The following DST variants were observed in gnomAD, a reference collection of about 807,000 sequenced individuals.
DST encodes bullous pemphigoid antigen.
DST carries 253 observed loss-of-function variants against 875.2 expected under a neutral mutation model. The observed-to-expected ratio is 0.29, with a 90% CI of 0.26 to 0.32. DST has a LOEUF of 0.32. DST is among the 10% of genes least tolerant of loss of function. DST has a pLI of 1.00. For missense variants in DST, 8,287 were observed against 9,111.6 expected (o/e 0.91, Z 3.68); for synonymous variants, 3,124 against 3,197.1 (o/e 0.98, Z 0.77).
chr6:56,572,957 T>C lies in DST; in HGVS notation c.13344A>G (p.Gln4448=), dbSNP rs774764916. 4.3e-6 allele frequency: 7 copies of C among 1,612,680 alleles called. No individual in the cohort carries two copies. The highest frequency in any genetic ancestry group is 1.3e-5 in the African/African-American group (1 of 75,042). ...GAGCAGACAAGTCTTTCATTTTGGC[T>C]TGCAGTGAGGATGCAGTGGATGGAT... The part of the protein sequence containing the change: ...TTDPSTASSL[Q]AKMKDLSARF... Residue 4448 remains glutamine (Q), a synonymous_variant, in exon 52 of 104, where the codon CAA becomes CAG. Coordinates refer to ENST00000680361, the MANE Select transcript of DST (RefSeq NM_001374736.1).
At chr6:56,661,403 T>C (rs974284052) in intron 10 of DST, among the ~76,000 whole-genome samples, 6 of 152,150 alleles carry the variant, frequency 3.9e-5, no homozygotes, top group Admixed American at 6.5e-5. Flanking sequence ...GCAGGACTTG[T>C]CAAGTTTCTA....
intron 2 of DST, among the ~76,000 whole-genome samples, chr6:56,920,895 ATTT>A (rs35394550): frequency 5.0e-5 from 3 of 59,678 alleles, no homozygotes; most frequent in Admixed American, 2.3e-4. Flanking sequence ...CGCCCAGCTA[ATTT>A]TTTTTTTTTT....
chr6:56,502,930 T>C lies in DST; in HGVS notation c.19566+1067A>G, dbSNP rs141783914. On this transcript the variant is annotated intron_variant, in intron 78 of 103. Transcript: ENST00000680361. ...GAGTTAAAATTGGGAAGGAAATAGC[T>C]GATCCCATTTTGATAAATGATTATT... Among the ~76,000 whole-genome samples the C allele has an allele frequency of 4.6e-5, 7 of 152,246 alleles. No homozygotes were observed. In the East Asian group the frequency reaches 1.4e-3, roughly 29 times the overall value.
chr6:56,555,314 C>A, intron 60 of DST, 31 bp downstream of exon 60: 1 of 1,529,632 alleles, frequency 6.5e-7, no homozygotes, highest in Non-Finnish European at 8.8e-7. Context: ...TATTTCTGAC[C>A]AGGAAATATA....
At chr6:56,559,875 G>T (rs2097507029) in intron 58 of DST, among the ~76,000 whole-genome samples, 1 of 152,076 alleles carries the variant, frequency 6.6e-6, no homozygotes, top group Non-Finnish European at 1.5e-5. Flanking sequence ...TATGGAGCAG[G>T]AGGGGTCCCA....
chr6:56,489,004 C>T (rs1164895525), intron 86 of DST, among the ~76,000 whole-genome samples: 2 of 152,140 alleles, frequency 1.3e-5, no homozygotes, highest in Non-Finnish European at 2.9e-5. Flanking sequence ...TTTATACGTG[C>T]ACAAACACAA....
Position 56,602,869 on chromosome 6 carries a change from T to C in DST, c.11307+13A>G, listed in dbSNP as rs2098458633. On this transcript the variant is annotated intron_variant, in intron 43 of 103. Coordinates refer to ENST00000680361, the MANE Select transcript of DST (RefSeq NM_001374736.1). ...TTTGAAATATATTTTGTCATCTTTG[T>C]TTTGATACTTGCCTTGAGAAACTCC... The C allele has an allele frequency of 1.3e-6, 2 of 1,491,604 alleles. No individual in the cohort carries two copies. The highest frequency in any genetic ancestry group is 2.7e-5 in the Admixed American group (1 of 36,460). 92.4% of individuals were successfully genotyped at this position (1,491,604 alleles called of 1,614,324 possible). A position where few individuals can be genotyped will look rare whatever the true frequency, so the allele number is the denominator to read the frequency against.
intron 2 of DST, among the ~76,000 whole-genome samples, chr6:56,910,778 C>T (rs1306464500): frequency 6.6e-6 from 1 of 152,210 alleles, no homozygotes; most frequent in East Asian, 1.9e-4. Context: ...AGCCCCCGTG[C>T]TCGGCCTGTA....
In DST at chr6:56,493,102, A is replaced by G; in HGVS notation, c.20395-13T>C. On this transcript the variant is annotated splice_polypyrimidine_tract_variant and intron_variant, in intron 83 of 103. Transcript: ENST00000680361. The stretch of plus-strand genomic sequence containing the variant: ...CTTCCAGTTTAGTCTGCAAGGACAG[A>G]TTGTTTAGTATGTGATGTTTAAGGG... 1 of 1,603,680 alleles carries G rather than the reference A, an allele frequency of 6.2e-7. No individual in the cohort carries two copies. The highest frequency in any genetic ancestry group is 8.5e-7 in the Non-Finnish European group (1 of 1,174,408).
chr6:56,836,723 C>A (rs1242258388), intron 4 of DST, among the ~76,000 whole-genome samples: 1 of 150,834 alleles, frequency 6.6e-6, no homozygotes, highest in Non-Finnish European at 1.5e-5. Flanking sequence ...TGATGGCGGG[C>A]GCCTGTAGTC....
chr6:56,921,737 C>G (rs1804341824), intron 2 of DST, among the ~76,000 whole-genome samples: 1 of 151,864 alleles, frequency 6.6e-6, no homozygotes, highest in Non-Finnish European at 1.5e-5. Context: ...TGTGCATGCT[C>G]AAATTTATTT....
In DST at chr6:56,552,210, T is replaced by C. The variant is rs1472842220; in HGVS notation, c.16582A>G (p.Ile5528Val). ...QGPVGMETETINQQLNMFKVF... is the reference protein window; with the variant it reads ...QGPVGMETETVNQQLNMFKVF... ...TTGAACATGTTAAGCTGCTGATTAATTGTCTCCGTTTCCATACCAACAGGA... is the reference window on the plus strand; with the variant it reads ...TTGAACATGTTAAGCTGCTGATTAACTGTCTCCGTTTCCATACCAACAGGA... Residue 5528 changes from isoleucine to valine, a missense_variant, in exon 61 of 104, where the codon ATT (isoleucine) becomes GTT (valine). Ile to Val is a conservative substitution (Grantham distance 29). This residue lies in a region of DST where 777 missense variants were observed against 764.8 expected (regional missense o/e 1.02). Transcript: ENST00000680361. 5 of 1,612,680 alleles carry C rather than the reference T, an allele frequency of 3.1e-6. No homozygotes were observed. Among genetic ancestry groups the C allele is most frequent in the Non-Finnish European group, 3.4e-6 (4 of 1,179,360 alleles).
At chr6:56,614,671 T>C (rs1392871195) in intron 36 of DST, 187 bp from the exon 37 acceptor site, 2 of 1,223,770 alleles carry the variant, frequency 1.6e-6, no homozygotes, top group Non-Finnish European at 2.0e-6. Flanking sequence ...AAAATGTTTA[T>C]GGTAGCAAAG....
At chr6:56,514,114 G>C (rs1161068549) in intron 72 of DST, among the ~76,000 whole-genome samples, 1 of 152,022 alleles carries the variant, frequency 6.6e-6, no homozygotes, top group African/African-American at 2.4e-5. Context: ...TATGCAAAAA[G>C]GCAAAAAAAC....
chr6:56,798,380 G>A (rs1286387877), intron 4 of DST, among the ~76,000 whole-genome samples: 3 of 146,776 alleles, frequency 2.0e-5, no homozygotes, highest in East Asian at 1.9e-4. Context: ...TAAGAATTAC[G>A]CAAAACTACT....
At chr6:56,836,508 A>G (rs112422130) in intron 4 of DST, among the ~76,000 whole-genome samples, 1,760 of 152,300 alleles carry the variant, frequency 0.012, 43 homozygotes, top group African/African-American at 0.041. Flanking sequence ...TTAACTTTTT[A>G]TACACCAAAC....
chr6:56,656,848 A>AATGTAT (rs546287283), intron 10 of DST, among the ~76,000 whole-genome samples: 1 of 152,214 alleles, frequency 6.6e-6, no homozygotes. Context: ...GAAACACAAT[A>AATGTAT]ATGTATATGT....
intron 4 of DST, among the ~76,000 whole-genome samples, chr6:56,842,241 A>G (rs1366975866): frequency 6.6e-6 from 1 of 152,198 alleles, no homozygotes; most frequent in East Asian, 1.9e-4. Context: ...GTCACTATTC[A>G]CTATAAATAC....
At position 56,678,462 on chromosome 6, in the gene DST, C is replaced by G. The variant is rs116127829; in HGVS notation, c.1048-7655G>C. 8.4e-3 allele frequency among the ~76,000 whole-genome samples: 1,280 copies of G among 152,244 alleles called. 8 individuals are homozygous for G. Among genetic ancestry groups the G allele is most frequent in the Non-Finnish European group, 0.014 (922 of 68,012 alleles). ...AGAGGAAGAAACATAATTTTTTCTT[C>G]AACTCTCATAAATTCTTAATTGGAA... On this transcript the variant is annotated intron_variant, in intron 9 of 103. Coordinates refer to ENST00000680361, the MANE Select transcript of DST (RefSeq NM_001374736.1).
Sources: allele counts gnomAD v4.1 joint callset (sites outside exome capture counted in the v4.1 genomes callset), GRCh38; gene constraint gnomAD v4.1.1; regional missense constraint gnomAD v4.1.1; transcripts MANE v1.5; gene names NCBI Gene and HGNC (gene_info 2026-07-23, HGNC 2026-07-21).